Variants in ZNF451 observed in about 807,000 individuals in gnomAD.
ZNF451 encodes the protein zinc finger protein 451.
A neutral mutation model predicts 107.1 loss-of-function variants in ZNF451; 80 were observed. That is an observed-to-expected ratio of 0.75 (90% CI 0.62 to 0.90). The LOEUF (loss-of-function observed/expected upper bound fraction) is 0.90, where lower values mean the gene tolerates loss of function less well. Ranked by LOEUF, ZNF451 falls within the 40% of genes least tolerant of loss-of-function variation. ZNF451 has a pLI of 0.00. For missense variants in ZNF451, 1,107 were observed against 1,236.2 expected (o/e 0.90, Z 1.57); for synonymous variants, 362 against 406.5 (o/e 0.89, Z 1.32).
chr6:57,169,181 A>C lies in ZNF451; in HGVS notation c.*712A>C, dbSNP rs1764029772. On this transcript the variant is annotated 3_prime_UTR_variant, in exon 15 of 15. Coordinates refer to ENST00000370706, the MANE Select transcript of ZNF451 (RefSeq NM_001031623.3). ...TGTGACTTGTATGGTCTCCTGGTTAAAGGGAATGGTGTCAGAATATTTGCA... is the reference window on the plus strand; with the variant it reads ...TGTGACTTGTATGGTCTCCTGGTTACAGGGAATGGTGTCAGAATATTTGCA... 1 of 152,152 alleles carries C rather than the reference A, an allele frequency of 6.6e-6. No homozygotes were observed. Among genetic ancestry groups the C allele is most frequent in the East Asian group, 1.9e-4 (1 of 5,202 alleles). The allele number at this position is 152,152 out of a possible 1,614,324, so 9.4% of individuals were successfully genotyped here. A position where few individuals can be genotyped will look rare whatever the true frequency, so the allele number is the denominator to read the frequency against.
In ZNF451 at chr6:57,148,589, C is replaced by T. The variant is rs1181139629; in HGVS notation, c.2504C>T (p.Ala835Val). The change falls in exon 10 of 15, where the codon GCT becomes GTT. Residue 835 changes from alanine to valine, a missense_variant. Around this residue, in one of 5 missense-constraint regions of ZNF451, gnomAD observed 608 missense variants for 649.2 expected, o/e 0.94. Transcript: ENST00000370706. ...AAATCAAACCTGTACAAGTTTACTG[C>T]TAGTGCCTCACATACAGAGAGAAAA... ...SEKSNLYKFT[A>V]SASHTERKLK... 1 of 1,613,988 alleles carries T rather than the reference C, an allele frequency of 6.2e-7. No individual in the cohort carries two copies. Among genetic ancestry groups the T allele is most frequent in the African/African-American group, 1.3e-5 (1 of 74,928 alleles).
At chr6:57,122,430 G>T (rs1464986506) in intron 3 of ZNF451, among the ~76,000 whole-genome samples, 2 of 152,118 alleles carry the variant, frequency 1.3e-5, no homozygotes, top group Admixed American at 6.6e-5. Flanking sequence ...TATCAACAGA[G>T]CTAACAGACA....
chr6:57,133,024 C>T lies in ZNF451; in HGVS notation c.425-18C>T. ...TATCTGAAATAATAACCTAAGAATTCATATTCTGATGATGCAGGACTCAAA... is the reference window on the plus strand; with the variant it reads ...TATCTGAAATAATAACCTAAGAATTTATATTCTGATGATGCAGGACTCAAA... On this transcript the variant is annotated intron_variant, in intron 5 of 14. Transcript: ENST00000370706. 1 of 1,613,330 alleles carries T rather than the reference C, an allele frequency of 6.2e-7. No homozygotes were observed. Among genetic ancestry groups the T allele is most frequent in the Non-Finnish European group, 8.5e-7 (1 of 1,179,584 alleles).
chr6:57,135,819 AT>A (rs1429634443), intron 7 of ZNF451, among the ~76,000 whole-genome samples: 29 of 152,300 alleles, frequency 1.9e-4, no homozygotes, highest in African/African-American at 7.0e-4. Flanking sequence ...CCATATTTGG[AT>A]ATTTGAGTAA....
At chr6:57,163,511 C>T (rs1443668166) in intron 14 of ZNF451, among the ~76,000 whole-genome samples, 3 of 118,404 alleles carry the variant, frequency 2.5e-5, no homozygotes, top group African/African-American at 6.4e-5. Context: ...AGTGCAGTGG[C>T]GCGATCTCAG....
At chr6:57,096,545 ATCT>A (rs1032222199) in intron 2 of ZNF451, among the ~76,000 whole-genome samples, 39 of 121,076 alleles carry the variant, frequency 3.2e-4, no homozygotes, top group Admixed American at 7.1e-4. Context: ...GTCATCTTTC[ATCT>A]TCTTCTTTAC....
chr6:57,098,386 A>T (rs1414510628), intron 2 of ZNF451, among the ~76,000 whole-genome samples: 2 of 151,824 alleles, frequency 1.3e-5, no homozygotes. Context: ...TTGTATATCC[A>T]CTACCATACT....
At chr6:57,104,387 T>C in intron 3 of ZNF451, 1 of 985,386 alleles carries the variant, frequency 1.0e-6, no homozygotes. Flanking sequence ...TGTTTCTGAC[T>C]AGCTAAGGCT....
In ZNF451 at chr6:57,124,584, C is replaced by T. The variant is rs1054348844; in HGVS notation, c.187-150C>T. On this transcript the variant is annotated intron_variant, in intron 3 of 14. Transcript: ENST00000370706. ...TGCTGGTGGATAATTGACAGACCTA[C>T]AAAATACCACATAAAACCTACAATA... is the stretch of plus-strand genomic sequence containing the variant. The T allele has an allele frequency of 1.0e-4, 73 of 712,628 alleles. 1 individual carries two copies. The highest frequency in any genetic ancestry group is 1.6e-4 in the Non-Finnish European group (65 of 400,256). The allele number at this position is 712,628 out of a possible 1,614,324, so 44.1% of individuals were successfully genotyped here.
At chr6:57,159,210 C>T (rs1048920090) in intron 13 of ZNF451, 75 of 985,198 alleles carry the variant, frequency 7.6e-5, no homozygotes, top group African/African-American at 8.7e-5. Flanking sequence ...GCAAAAGAAA[C>T]CTTTTATGAT....
At chr6:57,154,755 TAATG>T (rs1223174478) in intron 13 of ZNF451, among the ~76,000 whole-genome samples, 1 of 152,232 alleles carries the variant, frequency 6.6e-6, no homozygotes, top group Admixed American at 6.5e-5. Flanking sequence ...ATAGAATAAT[TAATG>T]TTTAAATATC....
chr6:57,120,743 T>G (rs927279854), intron 3 of ZNF451, among the ~76,000 whole-genome samples: 2 of 152,236 alleles, frequency 1.3e-5, no homozygotes, highest in African/African-American at 4.8e-5. Context: ...AGGCTGTTCA[T>G]TTTCTTATTG....
At chr6:57,104,355 G>A in intron 3 of ZNF451, 1 of 985,386 alleles carries the variant, frequency 1.0e-6, no homozygotes, top group African/African-American at 1.7e-5. Context: ...CCTTGGAAAT[G>A]TTTTATGTGG....
chr6:57,149,402 A>G (rs1030342941), intron 10 of ZNF451, among the ~76,000 whole-genome samples: 7 of 152,068 alleles, frequency 4.6e-5, no homozygotes, highest in Non-Finnish European at 1.0e-4. Flanking sequence ...TTTTAAGTGT[A>G]TCTTCTTTTA....
intron 7 of ZNF451, among the ~76,000 whole-genome samples, chr6:57,135,805 A>C (rs1831400631): frequency 6.6e-6 from 1 of 152,166 alleles, no homozygotes; most frequent in African/African-American, 2.4e-5. Flanking sequence ...ACCTTTGAGA[A>C]TATCCATATT....
chr6:57,109,601 C>T, intron 3 of ZNF451: 1 of 985,254 alleles, frequency 1.0e-6, no homozygotes, highest in Non-Finnish European at 1.2e-6. Flanking sequence ...TGTTATTTAA[C>T]AGCATGTAAA....
intron 13 of ZNF451, 138 bp downstream of exon 13, chr6:57,154,185 AT>A: frequency 1.3e-6 from 1 of 788,576 alleles, no homozygotes; most frequent in Non-Finnish European, 2.0e-6. Context: ...TATCTTACTT[AT>A]CTTTTTTAAA....
intron 14 of ZNF451, among the ~76,000 whole-genome samples, chr6:57,163,574 C>G (rs1326467345): frequency 6.7e-6 from 1 of 148,322 alleles, no homozygotes; most frequent in Non-Finnish European, 1.5e-5. Context: ...CCTCAGCCTC[C>G]CGAGTAGCTG....
chr6:57,120,773 T>C (rs1216840923), intron 3 of ZNF451, among the ~76,000 whole-genome samples: 1 of 152,248 alleles, frequency 6.6e-6, no homozygotes, highest in Non-Finnish European at 1.5e-5. Context: ...GAGTTCTTTG[T>C]ACATATTGGA....
Sources: allele counts gnomAD v4.1 joint callset (sites outside exome capture counted in the v4.1 genomes callset), GRCh38; gene constraint gnomAD v4.1.1; regional missense constraint gnomAD v4.1.1; transcripts MANE v1.5; gene names NCBI Gene and HGNC (gene_info 2026-07-23, HGNC 2026-07-21).